The following KPNA7 variants were observed in gnomAD, a reference collection of about 807,000 sequenced individuals.
KPNA7 encodes the protein importin subunit alpha-8.
In KPNA7, 54 loss-of-function variants were observed where a neutral mutation model predicts 53.7. That is an observed-to-expected ratio of 1.01 (90% CI 0.81 to 1.26). The LOEUF (loss-of-function observed/expected upper bound fraction) is 1.26. Ranked by LOEUF, KPNA7 falls within the 50% of genes most tolerant of loss-of-function variation. The probability of loss-of-function intolerance (pLI) is 0.00; values close to 1 mark genes in which losing one functional copy is unlikely to be tolerated. For missense variants in KPNA7, 640 were observed against 644.5 expected, an observed-to-expected ratio of 0.99 and a Z score of 0.07; for synonymous variants, 276 against 259.3, an observed-to-expected ratio of 1.06 and a Z score of -0.62.
chr7:99,178,332 G>A (rs1799000168), intron 9 of KPNA7, among the ~76,000 whole-genome samples: 1 of 152,144 alleles, frequency 6.6e-6, no homozygotes, highest in Non-Finnish European at 1.5e-5. Context: ...ACTTTGGGAG[G>A]CTGAGGCAGG....
the KPNA7 span, among the ~76,000 whole-genome samples, chr7:99,166,002 C>T: frequency 0.011 from 1,746 of 152,062 alleles, 32 homozygotes; most frequent in African/African-American, 0.041. Flanking sequence ...TAAAAGTGTG[C>T]AGCACCTCCC....
chr7:99,161,142 G>C, the KPNA7 span, among the ~76,000 whole-genome samples: 1 of 152,126 alleles, frequency 6.6e-6, no homozygotes, highest in Non-Finnish European at 1.5e-5. Flanking sequence ...GATTACAGGC[G>C]TGAGCCACCA....
intron 9 of KPNA7, among the ~76,000 whole-genome samples, chr7:99,180,744 TGTCTCTCTCTCTCTC>T: frequency 1.2e-5 from 1 of 80,518 alleles, no homozygotes; most frequent in African/African-American, 4.8e-5. Context: ...TCTCTCCCCG[TGTCTCTCTCTCTCTC>T]CCCGTCTGTG....
chr7:99,167,514 G>A, the KPNA7 span, among the ~76,000 whole-genome samples: 111 of 151,366 alleles, frequency 7.3e-4, 2 homozygotes, highest in South Asian at 0.017. Flanking sequence ...GTATACTGGC[G>A]CAACCTTGGC....
Position 99,185,164 on chromosome 7 carries a change from T to A in KPNA7, c.901-2A>T. On this transcript the variant is annotated splice_acceptor_variant, in intron 7 of 10. Coordinates refer to ENST00000327442, the MANE Select transcript of KPNA7 (RefSeq NM_001145715.3). LOFTEE classifies it high-confidence loss of function. ...CCCCACGGTGCGGAGAGAAGGAGTC[T>A]GGAAGAGCAAGGCTAGAAGTCTAAG... 6.5e-7 allele frequency: 1 copy of A among 1,547,152 alleles called. No homozygotes were observed. The highest frequency in any genetic ancestry group is 8.8e-7 in the Non-Finnish European group (1 of 1,142,524).
upstream of KPNA7, among the ~76,000 whole-genome samples, chr7:99,209,704 A>G (rs796564627): frequency 0.053 from 7,576 of 142,758 alleles, 313 homozygotes; most frequent in South Asian, 0.14. Flanking sequence ...AAAAAAAAAA[A>G]AAAAAAGAAA....
At chr7:99,175,320 G>A (rs1798857927) in intron 10 of KPNA7, among the ~76,000 whole-genome samples, 1 of 151,934 alleles carries the variant, frequency 6.6e-6, no homozygotes, top group Admixed American at 6.6e-5. Flanking sequence ...TGGGATTACA[G>A]GCACATGCCA....
At chr7:99,216,656 G>C (rs1360833715) in intron 1 of KPNA7, among the ~76,000 whole-genome samples, 1 of 152,154 alleles carries the variant, frequency 6.6e-6, no homozygotes, top group Non-Finnish European at 1.5e-5. Flanking sequence ...CCACCTTCCA[G>C]ATTCAAGCAA....
chr7:99,174,588 A>AG (rs1003765268), intron 10 of KPNA7, among the ~76,000 whole-genome samples: 15 of 152,164 alleles, frequency 9.9e-5, no homozygotes, highest in African/African-American at 3.1e-4. Flanking sequence ...TTGTCTCTAC[A>AG]GATTTGATGA....
chr7:99,206,627 C>A (rs1790828209), intron 2 of KPNA7, among the ~76,000 whole-genome samples: 1 of 152,078 alleles, frequency 6.6e-6, no homozygotes, highest in South Asian at 2.1e-4. Context: ...CACCACCACA[C>A]CTGGCCGATT....
intron 1 of KPNA7, among the ~76,000 whole-genome samples, chr7:99,213,456 A>G (rs112104194): frequency 0.081 from 10,190 of 125,852 alleles, 1,143 homozygotes; most frequent in African/African-American, 0.26. Flanking sequence ...AAAAAAAAAA[A>G]AGAGAGAGAG....
At chr7:99,151,200 C>A in the KPNA7 span, among the ~76,000 whole-genome samples, 8 of 152,118 alleles carry the variant, frequency 5.3e-5, no homozygotes, top group African/African-American at 1.9e-4. Flanking sequence ...CTGCATCGTG[C>A]TGATAGCCAA....
chr7:99,182,167 T>TC (rs754848671), intron 8 of KPNA7, 102 bp from the exon 9 acceptor site: 4 of 813,466 alleles, frequency 4.9e-6, no homozygotes, highest in Non-Finnish European at 7.5e-6. Flanking sequence ...CAGCCAGGAC[T>TC]GCATGTACAA....
chr7:99,187,796 TTTTAAAA>T (rs1205986164), intron 7 of KPNA7, among the ~76,000 whole-genome samples: 24 of 30,662 alleles, frequency 7.8e-4, no homozygotes, highest in Middle Eastern at 9.6e-3. Context: ...CGGCCTTTTT[TTTTAAAA>T]AAAAAAAAAA....
chr7:99,158,966 G>C, the KPNA7 span, among the ~76,000 whole-genome samples: 1 of 152,022 alleles, frequency 6.6e-6, no homozygotes, highest in Non-Finnish European at 1.5e-5. Flanking sequence ...CTGGGTTCAA[G>C]CGATTTTCCT....
At chr7:99,207,280 G>T in intron 2 of KPNA7, 121 bp downstream of exon 2, 2 of 772,730 alleles carry the variant, frequency 2.6e-6, no homozygotes, top group Non-Finnish European at 4.5e-6. Flanking sequence ...TGATCTGCCC[G>T]TCTCAGCCTC....
intron 6 of KPNA7, among the ~76,000 whole-genome samples, chr7:99,190,335 C>CAAA (rs58257703): frequency 1.0e-5 from 1 of 99,362 alleles, no homozygotes; most frequent in Non-Finnish European, 2.2e-5. Context: ...GACTCTGTCT[C>CAAA]AAAAAAAAAA....
At chr7:99,186,424 G>A (rs752535503) in intron 7 of KPNA7, among the ~76,000 whole-genome samples, 6 of 152,154 alleles carry the variant, frequency 3.9e-5, no homozygotes, top group Non-Finnish European at 8.8e-5. Context: ...GCCAGTCATG[G>A]CCTTACCAGG....
the KPNA7 span, among the ~76,000 whole-genome samples, chr7:99,155,615 C>G: frequency 6.6e-6 from 1 of 152,048 alleles, no homozygotes; most frequent in Non-Finnish European, 1.5e-5. Context: ...GGCTGGAGTG[C>G]AGTGGCATGA....
Sources: allele counts gnomAD v4.1 joint callset (sites outside exome capture counted in the v4.1 genomes callset), GRCh38; gene constraint gnomAD v4.1.1; transcripts MANE v1.5; gene names NCBI Gene and HGNC (gene_info 2026-07-23, HGNC 2026-07-21).